COG5: variants seen among roughly 807,000 people sequenced by gnomAD.
COG5 encodes component of oligomeric golgi complex 5.
COG5 carries 86 observed loss-of-function variants against 110.4 expected under a neutral mutation model. The observed-to-expected ratio is 0.78, with a 90% CI of 0.65 to 0.93. The LOEUF (loss-of-function observed/expected upper bound fraction) is 0.93. COG5 is among the 40% of genes least tolerant of loss of function. The pLI is 0.00. For synonymous variants in COG5, 360 were observed against 334.6 expected (o/e 1.08, Z -0.83); for missense variants, 1,077 against 987.0 (o/e 1.09, Z -1.22).
At chr7:107,331,213 C>G (rs137931684) in intron 10 of COG5, among the ~76,000 whole-genome samples, 1 of 152,048 alleles carries the variant, frequency 6.6e-6, no homozygotes, top group Non-Finnish European at 1.5e-5. Context: ...CGGTGGCTCA[C>G]GCCTGTAATC....
chr7:107,366,847 C>A (rs919280892), intron 8 of COG5, among the ~76,000 whole-genome samples: 4 of 152,024 alleles, frequency 2.6e-5, no homozygotes, highest in African/African-American at 9.7e-5. Context: ...GAAACTGAGC[C>A]TAATTGGCTC....
intron 11 of COG5, among the ~76,000 whole-genome samples, chr7:107,301,527 C>A (rs925851059): frequency 2.6e-5 from 4 of 151,978 alleles, no homozygotes; most frequent in African/African-American, 9.7e-5. Flanking sequence ...AAATTAAAAC[C>A]ACAATGAGAT....
chr7:107,209,474 G>T (rs1584523013), intron 21 of COG5: 1 of 159,756 alleles, frequency 6.3e-6, no homozygotes, highest in East Asian at 1.9e-4. Flanking sequence ...TCCAGAGGCA[G>T]TCACAGACCT....
intron 8 of COG5, among the ~76,000 whole-genome samples, chr7:107,371,240 C>T (rs1239219757): frequency 6.6e-6 from 1 of 152,074 alleles, no homozygotes; most frequent in African/African-American, 2.4e-5. Flanking sequence ...TTATCCAGTA[C>T]AACTTAAAAG....
At chr7:107,245,697 C>A (rs1802002822) in intron 17 of COG5, among the ~76,000 whole-genome samples, 1 of 152,104 alleles carries the variant, frequency 6.6e-6, no homozygotes. Context: ...CAAAACACTG[C>A]TCAAAGAAAT....
intron 6 of COG5, among the ~76,000 whole-genome samples, chr7:107,493,490 A>G (rs1217658355): frequency 6.6e-6 from 1 of 152,158 alleles, no homozygotes; most frequent in Non-Finnish European, 1.5e-5. Context: ...GAATATCTAA[A>G]TATGTGAACA....
chr7:107,277,201 T>C (rs990728903), intron 14 of COG5, among the ~76,000 whole-genome samples: 4 of 152,356 alleles, frequency 2.6e-5, no homozygotes, highest in East Asian at 1.9e-4. Context: ...CAAAACAATA[T>C]GTATAACACA....
chr7:107,246,766 T>C (rs1273448585), intron 17 of COG5, among the ~76,000 whole-genome samples: 3 of 152,162 alleles, frequency 2.0e-5, no homozygotes, highest in African/African-American at 4.8e-5. Flanking sequence ...TTATACGCTG[T>C]GGTGGGAGTG....
At chr7:107,264,436 T>C (rs1470536068) in intron 14 of COG5, among the ~76,000 whole-genome samples, 1 of 152,122 alleles carries the variant, frequency 6.6e-6, no homozygotes, top group Non-Finnish European at 1.5e-5. Flanking sequence ...CTCATACCTG[T>C]AATCCTAGCC....
intron 19 of COG5, among the ~76,000 whole-genome samples, chr7:107,225,650 C>T (rs1485736443): frequency 6.6e-6 from 1 of 152,162 alleles, no homozygotes; most frequent in African/African-American, 2.4e-5. Context: ...GTAGCTGGGA[C>T]CACAGATGTG....
intron 18 of COG5, among the ~76,000 whole-genome samples, chr7:107,234,673 C>T (rs193159363): frequency 2.0e-5 from 3 of 152,066 alleles, no homozygotes; most frequent in Admixed American, 2.0e-4. Flanking sequence ...TGCAAATAAG[C>T]TGGTAGGGGA....
chr7:107,309,600 C>T (rs959315483), intron 11 of COG5, among the ~76,000 whole-genome samples: 1 of 152,028 alleles, frequency 6.6e-6, no homozygotes, highest in Non-Finnish European at 1.5e-5. Context: ...TTTTGTTGTC[C>T]TTTAAGGGTA....
rs117883294 is a variant in COG5, at chr7:107,386,896, G to A, written c.670-14136C>T. 5.2e-3 allele frequency among the ~76,000 whole-genome samples: 789 copies of A among 152,148 alleles called. 4 individuals are homozygous for A. The highest frequency in any genetic ancestry group is 6.3e-3 in the Non-Finnish European group (428 of 68,004). On this transcript the variant is annotated intron_variant, in intron 7 of 21. Coordinates refer to ENST00000297135, the MANE Select transcript of COG5 (RefSeq NM_006348.5). Reference sequence around the variant, plus strand: ...CAGAGAGCCTAAAAAGGGGAAGGAGGAGGAAAGTCACCTGCCTTACCACCT... The same window carrying A: ...CAGAGAGCCTAAAAAGGGGAAGGAGAAGGAAAGTCACCTGCCTTACCACCT...
chr7:107,236,685 G>A lies in COG5; in HGVS notation c.1856C>T (p.Ser619Leu), dbSNP rs1374140294. Residue 619 changes from serine (S) to leucine (L), a missense_variant and splice_region_variant, in exon 18 of 22, where the codon TCA becomes TTA. By Grantham distance (145) the Ser-to-Leu change is moderately radical. Coordinates refer to ENST00000297135, the MANE Select transcript of COG5 (RefSeq NM_006348.5). ...ATCAGGTTTTCCTGAGCTGGATAAT[G>A]ACCTGTAAAAGAAAAAGCAGCCCTT... Reference protein sequence around the residue: ...ITMHQEDFSGSLSSSGKPDVP... With the variant: ...ITMHQEDFSGLLSSSGKPDVP... 13 of 1,610,062 alleles carry A rather than the reference G, an allele frequency of 8.1e-6. No homozygotes were observed. The highest frequency in any genetic ancestry group is 1.0e-5 in the Non-Finnish European group (12 of 1,176,510).
rs113660545 is a variant in COG5, at chr7:107,554,313, T to C, written c.264A>G (p.Ala88=). The C allele has an allele frequency of 3.5e-4, 562 of 1,614,042 alleles. No homozygotes were observed. The highest frequency in any genetic ancestry group is 4.6e-4 in the Non-Finnish European group (538 of 1,179,924). ...CCAACGACTCAATCCCAGTTGCTTG[T>C]GCCAGTAAATCTTCATGTCTTGCAA... is the stretch of plus-strand genomic sequence containing the variant. ...QVVARHEDLL[A]QATGIESLEG... is the part of the protein sequence containing the mutation. Residue 88 remains alanine, a synonymous_variant, in exon 3 of 22, where the codon GCA becomes GCG. Transcript: ENST00000297135.
At chr7:107,347,992 G>A (rs1253735172) in intron 10 of COG5, among the ~76,000 whole-genome samples, 2 of 151,586 alleles carry the variant, frequency 1.3e-5, no homozygotes, top group Non-Finnish European at 2.9e-5. Flanking sequence ...TAGGGGTGGT[G>A]GCACACACCT....
At chr7:107,330,793 T>G (rs1018431091) in intron 10 of COG5, among the ~76,000 whole-genome samples, 1 of 151,746 alleles carries the variant, frequency 6.6e-6, no homozygotes, top group African/African-American at 2.4e-5. Context: ...TATTTTGTTA[T>G]GAAGAATCAG....
intron 11 of COG5, among the ~76,000 whole-genome samples, chr7:107,298,582 C>A (rs1806968372): frequency 6.6e-6 from 1 of 152,022 alleles, no homozygotes; most frequent in Admixed American, 6.6e-5. Flanking sequence ...AATAGAAAAG[C>A]CCACAATTGT....
chr7:107,288,709 C>T (rs1805857687), intron 12 of COG5, among the ~76,000 whole-genome samples: 1 of 151,500 alleles, frequency 6.6e-6, no homozygotes, highest in African/African-American at 2.4e-5. Flanking sequence ...AGTCAATTGC[C>T]AGATCTATGA....
Sources: gnomAD v4.1 joint callset for allele counts (sites outside exome capture counted in the v4.1 genomes callset) on GRCh38, gnomAD v4.1.1 for gene constraint, MANE v1.5 for transcripts, NCBI Gene and HGNC (gene_info 2026-07-23, HGNC 2026-07-21) for gene names.